Variants in PCDHGA8 observed in about 807,000 individuals in gnomAD.
PCDHGA8 encodes the protein protocadherin gamma subfamily A, 8.
A neutral mutation model predicts 59.2 loss-of-function variants in PCDHGA8; 45 were observed. The ratio of observed to expected loss-of-function variants is 0.76; its 90% CI spans 0.60 to 0.98. The LOEUF (loss-of-function observed/expected upper bound fraction) is 0.98. Among genes scored for constraint, PCDHGA8 ranks in the 50% least tolerant of loss-of-function variants. PCDHGA8 has a pLI of 0.00. For missense variants in PCDHGA8, 1,257 were observed against 1,196.2 expected (o/e 1.05, Z -0.75); for synonymous variants, 531 against 519.0 (o/e 1.02, Z -0.32).
chr5:141,428,110 C>G (rs917739943), intron 1 of PCDHGA8: 11 of 1,607,538 alleles, frequency 6.8e-6, no homozygotes, highest in Middle Eastern at 3.4e-4. Context: ...GTGCTGCAGG[C>G]CATCGAGCCC....
intron 2 of PCDHGA8, among the ~76,000 whole-genome samples, chr5:141,503,570 G>T (rs996006002): frequency 3.4e-4 from 50 of 147,216 alleles, no homozygotes; most frequent in African/African-American, 1.2e-3. Context: ...CTGTACTCCA[G>T]CCTGGGTGAC....
At chr5:141,428,112 A>G (rs2097111373) in intron 1 of PCDHGA8, 1 of 1,607,642 alleles carries the variant, frequency 6.2e-7, no homozygotes, top group Non-Finnish European at 8.5e-7. Context: ...GCTGCAGGCC[A>G]TCGAGCCCGG....
chr5:141,400,559 C>T (rs2150864766), intron 1 of PCDHGA8: 2 of 1,613,274 alleles, frequency 1.2e-6, no homozygotes, highest in Non-Finnish European at 1.7e-6. Flanking sequence ...TTTTCATTAC[C>T]CACCCAATTT....
intron 1 of PCDHGA8, chr5:141,403,943 A>T: frequency 6.2e-7 from 1 of 1,613,934 alleles, no homozygotes; most frequent in Non-Finnish European, 8.5e-7. Context: ...GAAAGGGTGG[A>T]CAAAAGTGCT....
chr5:141,476,979 G>T lies in PCDHGA8; in HGVS notation c.2425-17828G>T. The T allele has an allele frequency of 1.2e-6, 2 of 1,614,238 alleles. No individual in the cohort carries two copies. The highest frequency in any genetic ancestry group is 1.7e-6 in the Non-Finnish European group (2 of 1,180,042). The stretch of plus-strand genomic sequence containing the variant: ...ATTTACTCCTTCGGCAGCCACAACC[G>T]CGCCGGCGTGCGGCAACTATTCGCC... On this transcript the variant is annotated intron_variant, in intron 1 of 3. Coordinates refer to ENST00000398604, the MANE Select transcript of PCDHGA8 (RefSeq NM_032088.2). This position sits in a 1 kb window ranked among gnomAD's most constrained non-coding sequence, Gnocchi z 7.6.
intron 1 of PCDHGA8, chr5:141,403,395 C>T (rs758295115): frequency 3.7e-6 from 6 of 1,614,084 alleles, no homozygotes; most frequent in Admixed American, 3.3e-5. Context: ...ATCGCGGTTC[C>T]TGGAGCACGT....
chr5:141,419,769 C>A (rs773303779), intron 1 of PCDHGA8: 14 of 1,614,006 alleles, frequency 8.7e-6, no homozygotes, highest in East Asian at 4.5e-5. Context: ...GACAAGGACT[C>A]GGTCCGCCAG....
intron 1 of PCDHGA8, chr5:141,430,990 GA>G (rs1185464233): frequency 1.2e-6 from 2 of 1,613,970 alleles, no homozygotes; most frequent in East Asian, 4.5e-5. Context: ...TTTTCGCCCT[GA>G]ATCCGCGCAG....
intron 1 of PCDHGA8, chr5:141,400,251 C>T (rs2093990443): frequency 6.2e-7 from 1 of 1,614,014 alleles, no homozygotes; most frequent in Non-Finnish European, 8.5e-7. Flanking sequence ...TGGCCGTTGC[C>T]TTGCGCCTGC....
At chr5:141,426,581 CCT>C (rs898552856) in intron 1 of PCDHGA8, 1 of 358,350 alleles carries the variant, frequency 2.8e-6, no homozygotes, top group Non-Finnish European at 5.6e-6. Flanking sequence ...TCTTCAAAAT[CCT>C]CTGTGTCATA....
intron 1 of PCDHGA8, chr5:141,418,422 G>A: frequency 6.2e-7 from 1 of 1,613,996 alleles, no homozygotes; most frequent in East Asian, 2.2e-5. Context: ...AATCCTGATG[G>A]TGGCAAATAT....
intron 1 of PCDHGA8, among the ~76,000 whole-genome samples, chr5:141,484,096 G>T (rs539388257): frequency 6.6e-6 from 1 of 152,244 alleles, no homozygotes; most frequent in Non-Finnish European, 1.5e-5. Flanking sequence ...GTCTTCGTTG[G>T]TAATTAACAA....
At chr5:141,414,834 C>T in intron 1 of PCDHGA8, 1 of 1,614,252 alleles carries the variant, frequency 6.2e-7, no homozygotes, top group South Asian at 1.1e-5. Context: ...TGTCGTTGAG[C>T]CTGTTTGTGC....
At chr5:141,456,051 C>T (rs1592410743) in intron 1 of PCDHGA8, among the ~76,000 whole-genome samples, 1 of 151,998 alleles carries the variant, frequency 6.6e-6, no homozygotes, top group Non-Finnish European at 1.5e-5. Context: ...GCGCCCACCA[C>T]CACGTCCGGC....
At chr5:141,509,507 T>G (rs2099877110) in intron 3 of PCDHGA8, among the ~76,000 whole-genome samples, 1 of 151,792 alleles carries the variant, frequency 6.6e-6, no homozygotes, top group African/African-American at 2.4e-5. Flanking sequence ...GATGTGACGG[T>G]GTTGATGATG....
Position 141,485,444 on chromosome 5 carries a change from G to T in PCDHGA8, c.2425-9363G>T. 1 of 1,614,108 alleles carries T rather than the reference G, an allele frequency of 6.2e-7. No homozygotes were observed. The highest frequency in any genetic ancestry group is 8.5e-7 in the Non-Finnish European group (1 of 1,180,020). ...AGCCCTGCTCATCAAGAACCCAATC[G>T]ACCGAGAGGCACTGTGTGGGCTCAG... is the stretch of plus-strand genomic sequence containing the variant. On this transcript the variant is annotated intron_variant, in intron 1 of 3. Coordinates refer to ENST00000398604, the MANE Select transcript of PCDHGA8 (RefSeq NM_032088.2). This position sits in a 1 kb window ranked among gnomAD's most constrained non-coding sequence, Gnocchi z 5.7.
At position 141,491,039 on chromosome 5, in the gene PCDHGA8, G is replaced by T; in HGVS notation, c.2425-3768G>T. 1 of 1,614,180 alleles carries T rather than the reference G, an allele frequency of 6.2e-7. No individual in the cohort carries two copies. The highest frequency in any genetic ancestry group is 1.1e-5 in the South Asian group (1 of 91,090). ...GTGACAGCCGTGGATGCTGATGCAGGCCACAATGCGTGGCTCTCCTACTCA... is the reference window on the plus strand; with the variant it reads ...GTGACAGCCGTGGATGCTGATGCAGTCCACAATGCGTGGCTCTCCTACTCA... On this transcript the variant is annotated intron_variant, in intron 1 of 3. Transcript: ENST00000398604. The surrounding 1 kb of genome is among the most constrained non-coding windows in gnomAD (Gnocchi z 6.9).
chr5:141,442,472 C>T (rs1032989256), intron 1 of PCDHGA8: 1 of 152,204 alleles, frequency 6.6e-6, no homozygotes, highest in Non-Finnish European at 1.5e-5. Context: ...GCAGAAAGCC[C>T]CTTGGGGAAG....
intron 1 of PCDHGA8, among the ~76,000 whole-genome samples, chr5:141,456,691 G>A (rs564429451): frequency 3.3e-5 from 5 of 152,234 alleles, no homozygotes; most frequent in South Asian, 4.1e-4. Flanking sequence ...CTGGCCAGGC[G>A]TGGTGGCTCG....
Sources: allele counts gnomAD v4.1 joint callset (sites outside exome capture counted in the v4.1 genomes callset), GRCh38; gene constraint gnomAD v4.1.1; non-coding constraint Gnocchi (gnomAD v3.1); transcripts MANE v1.5; gene names NCBI Gene and HGNC (gene_info 2026-07-23, HGNC 2026-07-21).